PPP4R3B: variants seen among roughly 807,000 people sequenced by gnomAD.
PPP4R3B encodes the protein protein phosphatase 4 regulatory subunit 3B, also known as serine/threonine-protein phosphatase 4 regulatory subunit 3B.
PPP4R3B carries 52 observed loss-of-function variants against 95.4 expected under a neutral mutation model. The observed-to-expected ratio is 0.54, with a 90% CI of 0.44 to 0.69. The LOEUF (loss-of-function observed/expected upper bound fraction) is 0.69. Among genes scored for constraint, PPP4R3B ranks in the 30% least tolerant of loss-of-function variants. The pLI is 0.00. For synonymous variants in PPP4R3B, 407 were observed against 343.9 expected (o/e 1.18, Z -2.03); for missense variants, 1,003 against 1,005.9 (o/e 1.00, Z 0.04).
Position 55,558,895 on chromosome 2 carries a change from G to C in PPP4R3B, c.2334C>G (p.His778Gln), listed in dbSNP as rs373358664. The C allele has an allele frequency of 1.1e-5, 17 of 1,614,012 alleles. 1 individual carries two copies. In the South Asian group the frequency reaches 1.9e-4, roughly 18 times the overall value. The part of the protein sequence containing the change: ...SPGGFKFTFS[H>Q]SASAANGTNS... Reference sequence around the variant, plus strand: ...TTGTTCCATTAGCAGCACTGGCAGAGTGGGAGAAAGTAAATTTGAAGCCAC... The same window carrying C: ...TTGTTCCATTAGCAGCACTGGCAGACTGGGAGAAAGTAAATTTGAAGCCAC... Residue 778 changes from histidine to glutamine, a missense_variant, in exon 16 of 17, where the codon CAC becomes CAG. Physicochemically the swap from His to Gln is conservative, Grantham distance 24 (BLOSUM62 0). Around this residue, in one of 3 missense-constraint regions of PPP4R3B, gnomAD observed 229 missense variants for 194.7 expected, o/e 1.18. Coordinates refer to ENST00000616407, the MANE Select transcript of PPP4R3B (RefSeq NM_001122964.3).
rs547400333 is a variant in PPP4R3B at position 55,591,560 on chromosome 2, C to G, written c.922-2604G>C. 30 of 984,444 alleles carry G rather than the reference C, an allele frequency of 3.0e-5. No homozygotes were observed. The South Asian group carries it at 1.3e-3, about 43-fold the overall frequency. 61.0% of individuals were successfully genotyped at this position (984,444 alleles called of 1,614,324 possible). On this transcript the variant is annotated intron_variant, in intron 4 of 16. Coordinates refer to ENST00000616407, the MANE Select transcript of PPP4R3B (RefSeq NM_001122964.3). ...TTCCTGCATCTGTTGTAGATTACAT[C>G]TTCATCCTTTACTACCTGAAAATTT...
At chr2:55,601,008 A>G (rs1183764557) in intron 3 of PPP4R3B, among the ~76,000 whole-genome samples, 1 of 151,910 alleles carries the variant, frequency 6.6e-6, no homozygotes, top group African/African-American at 2.4e-5. Context: ...TTAGCCAGGC[A>G]TGGTGGCGCA....
chr2:55,604,884 G>C (rs1693164902), intron 2 of PPP4R3B, among the ~76,000 whole-genome samples: 2 of 151,966 alleles, frequency 1.3e-5, no homozygotes, highest in Non-Finnish European at 2.9e-5. Context: ...TCTGTGACCA[G>C]ACTAGAGTGT....
chr2:55,583,437 G>A (rs1229913095), intron 7 of PPP4R3B, among the ~76,000 whole-genome samples: 1 of 152,076 alleles, frequency 6.6e-6, no homozygotes, highest in African/African-American at 2.4e-5. Flanking sequence ...TAAGTCTTAG[G>A]TATCAATTAA....
At chr2:55,589,102 C>T in intron 4 of PPP4R3B, 146 bp from the exon 5 acceptor site, 2 of 547,694 alleles carry the variant, frequency 3.7e-6, no homozygotes, top group South Asian at 6.4e-5. Flanking sequence ...TTCTGTGTTA[C>T]AATTTTCTAA....
At chr2:55,585,326 C>CT (rs757029798) in intron 6 of PPP4R3B, among the ~76,000 whole-genome samples, 159 bp from the exon 7 acceptor site, 1 of 152,120 alleles carries the variant, frequency 6.6e-6, no homozygotes, top group East Asian at 1.9e-4. Flanking sequence ...TTCTTCCTTT[C>CT]TTTTTACAAA....
Position 55,617,568 on chromosome 2 carries a change from GGTA to G in PPP4R3B, c.-286_-284del. 2.8e-6 allele frequency: 1 copy of G among 350,988 alleles called. No homozygotes were observed. Among genetic ancestry groups the G allele is most frequent in the Admixed American group, 4.4e-5 (1 of 22,652 alleles). The allele number at this position is 350,988 out of a possible 1,614,324, so 21.7% of individuals were successfully genotyped here. A position where few individuals can be genotyped will look rare whatever the true frequency, so the allele number is the denominator to read the frequency against. ...GGCTCGCTTGCTCTCCCGCCGCCGC[GGTA>G]ACTACTACAGATCCGCCATCTTGTA... On this transcript the variant is annotated 5_prime_UTR_variant, in exon 1 of 17. Coordinates refer to ENST00000616407, the MANE Select transcript of PPP4R3B (RefSeq NM_001122964.3).
chr2:55,560,783 A>G (rs1420307045), intron 15 of PPP4R3B, among the ~76,000 whole-genome samples: 2 of 14,202 alleles, frequency 1.4e-4, no homozygotes, highest in Admixed American at 8.5e-4. Context: ...TCTCAGAAAA[A>G]AAAAAAAAAA....
At chr2:55,576,499 T>C (rs190030595) in intron 11 of PPP4R3B, among the ~76,000 whole-genome samples, 92 of 151,752 alleles carry the variant, frequency 6.1e-4, no homozygotes, top group African/African-American at 2.1e-3. Flanking sequence ...TCCCAGCACT[T>C]TGGGAGGCCG....
chr2:55,567,538 C>T (rs1033224401), intron 13 of PPP4R3B, among the ~76,000 whole-genome samples: 4 of 152,066 alleles, frequency 2.6e-5, no homozygotes, highest in Non-Finnish European at 5.9e-5. Context: ...GCCTCAGCTT[C>T]CCAAGTGGCT....
At chr2:55,617,055 T>G (rs773009017) in intron 1 of PPP4R3B, 89 bp downstream of exon 1, 17 of 1,446,728 alleles carry the variant, frequency 1.2e-5, no homozygotes, top group Non-Finnish European at 1.6e-5. Flanking sequence ...CCCGAAGGAG[T>G]AGCAACGGTA....
At chr2:55,600,692 C>T (rs74347106) in intron 3 of PPP4R3B, among the ~76,000 whole-genome samples, 5 of 151,696 alleles carry the variant, frequency 3.3e-5, no homozygotes, top group African/African-American at 1.2e-4. Context: ...CTTTGCTGGG[C>T]TATCAGAGTG....
chr2:55,575,886 G>A (rs1688602588), intron 11 of PPP4R3B, among the ~76,000 whole-genome samples: 1 of 152,150 alleles, frequency 6.6e-6, no homozygotes, highest in Admixed American at 6.5e-5. Context: ...AAATAAATTA[G>A]CATTGTAATA....
intron 4 of PPP4R3B, among the ~76,000 whole-genome samples, chr2:55,589,930 T>TTA (rs1255951022): frequency 2.3e-5 from 3 of 132,666 alleles, no homozygotes; most frequent in Non-Finnish European, 5.1e-5. Flanking sequence ...AAAAAAAAAA[T>TTA]TATATATATA....
intron 11 of PPP4R3B, among the ~76,000 whole-genome samples, chr2:55,575,508 C>G (rs1688563724): frequency 6.6e-6 from 1 of 152,080 alleles, no homozygotes. Context: ...GGCACTGGTG[C>G]AATTTCGGCT....
chr2:55,584,397 A>C (rs1220485441), intron 7 of PPP4R3B, among the ~76,000 whole-genome samples: 2 of 152,084 alleles, frequency 1.3e-5, no homozygotes, highest in African/African-American at 4.8e-5. Context: ...GTTTGGTTAC[A>C]TGAGTAAGTT....
chr2:55,570,128 T>C (rs1687824863), intron 12 of PPP4R3B, among the ~76,000 whole-genome samples: 1 of 152,142 alleles, frequency 6.6e-6, no homozygotes, highest in Non-Finnish European at 1.5e-5. Flanking sequence ...CAGGCGCCTG[T>C]AGTCCCAGCT....
Position 55,596,315 on chromosome 2 carries a change from A to C in PPP4R3B, c.921+2101T>G, listed in dbSNP as rs1691770925. ...TATTTCTAAATAGAACTAACATCAGAATTGTTTGAATCATCAGATTCGTCT... is the reference window on the plus strand; with the variant it reads ...TATTTCTAAATAGAACTAACATCAGCATTGTTTGAATCATCAGATTCGTCT... On this transcript the variant is annotated intron_variant, in intron 4 of 16. Coordinates refer to ENST00000616407, the MANE Select transcript of PPP4R3B (RefSeq NM_001122964.3). Among the ~76,000 whole-genome samples, 5 of 148,538 alleles carry C rather than the reference A, an allele frequency of 3.4e-5. No homozygotes were observed. The South Asian group carries it at 1.1e-3, about 32-fold the overall frequency.
At chr2:55,616,138 C>T (rs1049004614) in intron 1 of PPP4R3B, among the ~76,000 whole-genome samples, 1 of 151,894 alleles carries the variant, frequency 6.6e-6, no homozygotes, top group Admixed American at 6.6e-5. Flanking sequence ...GTCTAAATGA[C>T]CACTTCAAGC....
Sources: gnomAD v4.1 joint callset for allele counts (sites outside exome capture counted in the v4.1 genomes callset) on GRCh38, gnomAD v4.1.1 for gene constraint, gnomAD v4.1.1 regional missense constraint, MANE v1.5 for transcripts, NCBI Gene and HGNC (gene_info 2026-07-23, HGNC 2026-07-21) for gene names.